GPC4: variants seen among roughly 807,000 people sequenced by gnomAD.
GPC4 encodes glypican 4, also known as glypican-4.
GPC4 carries 10 observed loss-of-function variants against 35.0 expected under a neutral mutation model. The ratio of observed to expected loss-of-function variants is 0.29; its 90% CI spans 0.18 to 0.48. The LOEUF (loss-of-function observed/expected upper bound fraction) is 0.48, where lower values mean the gene tolerates loss of function less well. Ranked by LOEUF, GPC4 falls within the 20% of genes least tolerant of loss-of-function variation. GPC4 has a pLI of 0.99. For synonymous variants in GPC4, 167 were observed against 170.2 expected (o/e 0.98, Z 0.15); for missense variants, 322 against 451.3 (o/e 0.71, Z 2.60).
intron 2 of GPC4, among the ~76,000 whole-genome samples, chrX:133,335,456 CAT>C (rs2068438452): frequency 1.8e-5 from 2 of 111,310 alleles, no homozygotes; most frequent in East Asian, 2.8e-4. Context: ...CACACACACA[CAT>C]ACACACACAC....
At chrX:133,309,694 A>G (rs2068306271) in intron 4 of GPC4, among the ~76,000 whole-genome samples, 1 of 112,538 alleles carries the variant, frequency 8.9e-6, no homozygotes, top group Non-Finnish European at 1.9e-5. Flanking sequence ...ATTGAAAAGG[A>G]TCACCAACTT....
chrX:133,373,890 C>A (rs1374151903), intron 1 of GPC4, among the ~76,000 whole-genome samples: 1 of 111,083 alleles, frequency 9.0e-6, no homozygotes, highest in African/African-American at 3.3e-5. Context: ...TGATTGTAGA[C>A]TGGGCCCTCA....
chrX:133,326,244 A>G (rs780454530), intron 2 of GPC4, among the ~76,000 whole-genome samples: 3 of 111,409 alleles, frequency 2.7e-5, no homozygotes, highest in Admixed American at 9.6e-5. Flanking sequence ...GAAACTGCAC[A>G]AAGAGTTAGG....
rs765833663 is a variant in GPC4, at chrX:133,305,973, G to A, written c.1008+51C>T. 1.9e-5 allele frequency: 23 copies of A among 1,207,433 alleles called. No individual in the cohort carries two copies. The African/African-American group carries it at 3.0e-4, about 16-fold the overall frequency. On this transcript the variant is annotated intron_variant, in intron 5 of 8. Transcript: ENST00000370828. The stretch of plus-strand genomic sequence containing the variant: ...GGAAGTCACTCCCAAGGCGGGAGGC[G>A]GAGGCGGGGGAGGTCCCTAGCTCCC...
At chrX:133,304,653 G>C in intron 7 of GPC4, 72 bp downstream of exon 7, 1 of 1,145,967 alleles carries the variant, frequency 8.7e-7, no homozygotes, top group Non-Finnish European at 1.2e-6. Flanking sequence ...TGACAATTGA[G>C]AGAACCCTCT....
chrX:133,357,956 T>G (rs112561651), intron 1 of GPC4, among the ~76,000 whole-genome samples: 2,195 of 111,787 alleles, frequency 0.02, 54 homozygotes, highest in African/African-American at 0.068. Context: ...TCTTGTTGTT[T>G]CTATTGTTAT....
chrX:133,325,759 T>C (rs1208945983), intron 2 of GPC4, among the ~76,000 whole-genome samples: 1 of 112,137 alleles, frequency 8.9e-6, no homozygotes, highest in Non-Finnish European at 1.9e-5. Context: ...ATGCAATAGT[T>C]CTACAAAACC....
chrX:133,323,454 C>G (rs1005537568), intron 3 of GPC4, among the ~76,000 whole-genome samples: 1 of 112,101 alleles, frequency 8.9e-6, no homozygotes, highest in African/African-American at 3.2e-5. Flanking sequence ...GCACTCTGGC[C>G]TGGGCAGCAG....
chrX:133,387,444 AAGAG>A (rs896117018), intron 1 of GPC4, among the ~76,000 whole-genome samples: 1 of 111,217 alleles, frequency 9.0e-6, no homozygotes, highest in Non-Finnish European at 1.9e-5. Context: ...GGAAGAAAAG[AAGAG>A]AGAGAGAGAA....
chrX:133,307,781 C>T (rs1311078459), intron 4 of GPC4, among the ~76,000 whole-genome samples: 4 of 111,564 alleles, frequency 3.6e-5, no homozygotes, highest in African/African-American at 1.3e-4. Context: ...AAAATGCAGA[C>T]GTTTAAATAA....
At chrX:133,391,352 G>A (rs979854430) in intron 1 of GPC4, among the ~76,000 whole-genome samples, 1 of 111,802 alleles carries the variant, frequency 8.9e-6, no homozygotes. Flanking sequence ...GCTGCTTTTT[G>A]CTCCTGGTTT....
chrX:133,414,623 G>A (rs981840820), intron 1 of GPC4, 183 bp downstream of exon 1: 2 of 752,806 alleles, frequency 2.7e-6, no homozygotes, highest in Non-Finnish European at 3.1e-6. Flanking sequence ...CGCCCGCGGG[G>A]AACGTCCTGC....
intron 1 of GPC4, among the ~76,000 whole-genome samples, chrX:133,377,831 A>G (rs1198304056): frequency 9.2e-6 from 1 of 108,318 alleles, no homozygotes; most frequent in Non-Finnish European, 1.9e-5. Context: ...TATAATTCAC[A>G]TACCATACAA....
chrX:133,335,158 GA>G (rs1212523415), intron 2 of GPC4, among the ~76,000 whole-genome samples: 2 of 111,007 alleles, frequency 1.8e-5, no homozygotes, highest in African/African-American at 6.6e-5. Context: ...TTCATGAGAT[GA>G]CTGATTCAGC....
At chrX:133,399,108 G>A (rs768839219) in intron 1 of GPC4, among the ~76,000 whole-genome samples, 4 of 111,714 alleles carry the variant, frequency 3.6e-5, no homozygotes, top group African/African-American at 9.7e-5. Flanking sequence ...TCCATATTTT[G>A]CTAAACCAGA....
intron 1 of GPC4, among the ~76,000 whole-genome samples, chrX:133,376,206 C>T (rs1348596036): frequency 1.8e-5 from 2 of 112,405 alleles, no homozygotes; most frequent in Non-Finnish European, 3.8e-5. Flanking sequence ...GGCCAGCAGC[C>T]GTGCAGCTAA....
In GPC4 at chrX:133,329,616, T is replaced by A. The variant is rs186251680; in HGVS notation, c.320-5080A>T. On this transcript the variant is annotated intron_variant, in intron 2 of 8. Transcript: ENST00000370828. ...CTCACCCTTGAGAAGAGAGCTTACA[T>A]TACATTAAACAAGAGAATACCATAC... Among the ~76,000 whole-genome samples the A allele has an allele frequency of 9.2e-4, 102 of 111,024 alleles. 2 individuals are homozygous for A. The highest frequency in any genetic ancestry group is 7.3e-3 in the Admixed American group (76 of 10,354).
chrX:133,326,729 T>A (rs2068395763), intron 2 of GPC4, among the ~76,000 whole-genome samples: 1 of 112,799 alleles, frequency 8.9e-6, no homozygotes, highest in Non-Finnish European at 1.9e-5. Context: ...ATTGTGTTTT[T>A]AAATAAATTT....
intron 1 of GPC4, among the ~76,000 whole-genome samples, chrX:133,354,560 A>C (rs866707974): frequency 1.1e-5 from 1 of 93,704 alleles, no homozygotes; most frequent in East Asian, 3.2e-4. Flanking sequence ...TTATTTATTT[A>C]TTTATTTATT....
Sources: gnomAD v4.1 joint callset for allele counts (sites outside exome capture counted in the v4.1 genomes callset) on GRCh38, gnomAD v4.1.1 for gene constraint, MANE v1.5 for transcripts, NCBI Gene and HGNC (gene_info 2026-07-23, HGNC 2026-07-21) for gene names.